Variants in TRHDE observed in about 807,000 individuals in gnomAD.
TRHDE encodes thyrotropin-releasing hormone-degrading ectoenzyme.
TRHDE carries 72 observed loss-of-function variants against 125.7 expected under a neutral mutation model. That is an observed-to-expected ratio of 0.57 (90% CI 0.47 to 0.70). The LOEUF is 0.70. Among genes scored for constraint, TRHDE ranks in the 30% least tolerant of loss-of-function variants. The pLI, the probability that TRHDE is intolerant of heterozygous loss-of-function variation, is 0.00. For missense variants in TRHDE, 1,110 were observed against 1,327.1 expected, an observed-to-expected ratio of 0.84 and a Z score of 2.54; for synonymous variants, 509 against 509.1, an observed-to-expected ratio of 1.00 and a Z score of 0.00.
intron 2 of TRHDE, among the ~76,000 whole-genome samples, chr12:72,310,688 A>AG (rs1868502932): frequency 6.6e-6 from 1 of 152,090 alleles, no homozygotes; most frequent in African/African-American, 2.4e-5. Context: ...AAGAAAAAAA[A>AG]TATTGGCGAG....
chr12:72,663,997 T>TC lies in TRHDE; in HGVS notation c.*803dup, dbSNP rs1268402126. Reference sequence around the variant, plus strand: ...AACTTAAGGACAGTTGCAAAAGGCTTCAAGGAATTTATCTCAACATTATTC... The same window carrying TC: ...AACTTAAGGACAGTTGCAAAAGGCTTCCAAGGAATTTATCTCAACATTATTC... On this transcript the variant is annotated 3_prime_UTR_variant, in exon 19 of 19. Coordinates refer to ENST00000261180, the MANE Select transcript of TRHDE (RefSeq NM_013381.3). 1 of 152,136 alleles carries TC rather than the reference T, an allele frequency of 6.6e-6. No homozygotes were observed. Among genetic ancestry groups the TC allele is most frequent in the Non-Finnish European group, 1.5e-5 (1 of 68,014 alleles). 9.4% of individuals were successfully genotyped at this position (152,136 alleles called of 1,614,324 possible).
At chr12:72,121,951 T>A (rs1173176240) in intron 2 of TRHDE, among the ~76,000 whole-genome samples, 1 of 152,066 alleles carries the variant, frequency 6.6e-6, no homozygotes, top group East Asian at 1.9e-4. Context: ...CCAGGCCAGC[T>A]CTCTGTGCCT....
intron 12 of TRHDE, among the ~76,000 whole-genome samples, chr12:72,614,745 A>T (rs1289778586): frequency 1.3e-5 from 2 of 152,140 alleles, no homozygotes; most frequent in Non-Finnish European, 2.9e-5. Context: ...CCTTTAAAGA[A>T]AACTCACAGT....
intron 2 of TRHDE, among the ~76,000 whole-genome samples, chr12:72,340,642 C>T (rs1030939159): frequency 3.9e-5 from 6 of 152,024 alleles, no homozygotes; most frequent in Non-Finnish European, 8.8e-5. Flanking sequence ...GTCTCAAAGC[C>T]ACTTGATGTC....
intron 6 of TRHDE, among the ~76,000 whole-genome samples, chr12:72,519,988 G>T (rs1879099788): frequency 6.6e-6 from 1 of 152,204 alleles, no homozygotes; most frequent in East Asian, 1.9e-4. Context: ...TCAGGAGGCA[G>T]TCTGCCCGTT....
intron 2 of TRHDE, among the ~76,000 whole-genome samples, chr12:72,215,802 T>C (rs1877877137): frequency 6.6e-6 from 1 of 152,128 alleles, no homozygotes; most frequent in Non-Finnish European, 1.5e-5. Context: ...TGGGGGTGGT[T>C]GGCGCTCAGA....
intron 2 of TRHDE, among the ~76,000 whole-genome samples, chr12:72,108,718 C>T (rs536153340): frequency 1.1e-4 from 17 of 152,022 alleles, no homozygotes; most frequent in South Asian, 6.2e-4. Context: ...TTAGCATTTT[C>T]GCCCCTGAAA....
chr12:72,131,810 C>T (rs1875873145), intron 2 of TRHDE, among the ~76,000 whole-genome samples: 1 of 152,150 alleles, frequency 6.6e-6, no homozygotes, highest in African/African-American at 2.4e-5. Context: ...ACTCTTAAAG[C>T]TTCTGCTCTT....
intron 3 of TRHDE, among the ~76,000 whole-genome samples, chr12:72,389,016 A>G (rs1321020034): frequency 6.6e-6 from 1 of 152,052 alleles, no homozygotes; most frequent in Non-Finnish European, 1.5e-5. Context: ...TCATCAGTTA[A>G]CAAAAATCAG....
At chr12:72,285,055 G>A (rs2139425590) in intron 1 of TRHDE, among the ~76,000 whole-genome samples, 1 of 152,250 alleles carries the variant, frequency 6.6e-6, no homozygotes, top group East Asian at 1.9e-4. Context: ...TTTTTAAAAT[G>A]TTTTATTTTT....
intron 2 of TRHDE, among the ~76,000 whole-genome samples, chr12:72,356,716 A>C (rs114023570): frequency 4.0e-5 from 6 of 151,478 alleles, no homozygotes; most frequent in African/African-American, 1.4e-4. Context: ...AAGAGGTAAA[A>C]TTAAAAGGGC....
chr12:72,322,140 G>C (rs1253984783), intron 2 of TRHDE, among the ~76,000 whole-genome samples: 1 of 152,106 alleles, frequency 6.6e-6, no homozygotes, highest in African/African-American at 2.4e-5. Context: ...GTCACTCAAA[G>C]ACATGAACAG....
At chr12:72,399,752 T>G (rs116619866) in intron 3 of TRHDE, among the ~76,000 whole-genome samples, 3,448 of 152,266 alleles carry the variant, frequency 0.023, 126 homozygotes, top group African/African-American at 0.078. Context: ...TTTTTCGTTC[T>G]GATTCTTTAT....
At chr12:72,512,435 ATATG>A (rs1565772034) in intron 6 of TRHDE, among the ~76,000 whole-genome samples, 4 of 105,930 alleles carry the variant, frequency 3.8e-5, no homozygotes, top group South Asian at 4.7e-4. Context: ...ATATTATATA[ATATG>A]TTATAATTAT....
chr12:72,564,622 G>A (rs1177907044), intron 9 of TRHDE, among the ~76,000 whole-genome samples: 1 of 110,984 alleles, frequency 9.0e-6, no homozygotes, highest in East Asian at 2.5e-4. Context: ...TTGTCGGTTT[G>A]TCTTCTGGAA....
intron 5 of TRHDE, among the ~76,000 whole-genome samples, chr12:72,494,911 G>T (rs1877839380): frequency 1.3e-5 from 2 of 151,694 alleles, no homozygotes; most frequent in Non-Finnish European, 2.9e-5. Context: ...TTAGACCCAG[G>T]CTTTTACTTT....
intron 12 of TRHDE, among the ~76,000 whole-genome samples, chr12:72,597,261 T>A (rs1871981376): frequency 6.6e-6 from 1 of 152,152 alleles, no homozygotes; most frequent in Non-Finnish European, 1.5e-5. Context: ...TATTTTGGGG[T>A]TTCTTAGTGT....
intron 7 of TRHDE, among the ~76,000 whole-genome samples, chr12:72,551,749 A>G (rs781242323): frequency 6.6e-6 from 1 of 152,182 alleles, no homozygotes; most frequent in Non-Finnish European, 1.5e-5. Flanking sequence ...CACGATAGAT[A>G]GGAAAAAACA....
chr12:72,357,224 C>T (rs948098531), intron 2 of TRHDE, among the ~76,000 whole-genome samples: 25 of 151,450 alleles, frequency 1.7e-4, no homozygotes, highest in African/African-American at 5.1e-4. Context: ...CACTGAATAG[C>T]CAAGGCAATC....
Sources: allele counts gnomAD v4.1 joint callset (sites outside exome capture counted in the v4.1 genomes callset), GRCh38; gene constraint gnomAD v4.1.1; transcripts MANE v1.5; gene names NCBI Gene and HGNC (gene_info 2026-07-23, HGNC 2026-07-21).